The following DSCAM variants were observed in gnomAD, a reference collection of about 807,000 sequenced individuals.
DSCAM encodes the protein cell adhesion molecule DSCAM.
In DSCAM, 47 loss-of-function variants were observed where a neutral mutation model predicts 217.7. The observed-to-expected ratio is 0.22, with a 90% confidence interval of 0.17 to 0.28. The LOEUF is 0.28. DSCAM is among the 10% of genes least tolerant of loss of function. The pLI, the probability that DSCAM is intolerant of heterozygous loss-of-function variation, is 1.00. For missense variants in DSCAM, 2,080 were observed against 2,618.3 expected (o/e 0.79, Z 4.49); for synonymous variants, 1,056 against 1,015.3 (o/e 1.04, Z -0.76).
chr21:40,677,758 A>AC (rs1045505769), intron 3 of DSCAM, among the ~76,000 whole-genome samples: 3 of 151,942 alleles, frequency 2.0e-5, no homozygotes, highest in African/African-American at 7.2e-5. Context: ...CTAAAAAGAG[A>AC]CCCCAGAGAC....
rs760098848 is a variant in DSCAM, at chr21:40,376,589, T to TATATAGATATCGATATATCTTATATAG, written c.509-7345_509-7344insCTATATAAGATATATCGATATCTATAT. ...ATCTTATATCGATATCTATATATCTTATATCGATATCTATATATCTTATAT... is the reference window on the plus strand; with the variant it reads ...ATCTTATATCGATATCTATATATCTTATATAGATATCGATATATCTTATATAGATATCGATATCTATATATCTTATAT... On this transcript the variant is annotated intron_variant, in intron 3 of 32. Transcript: ENST00000400454. Among the ~76,000 whole-genome samples, 81 of 14,072 alleles carry TATATAGATATCGATATATCTTATATAG rather than the reference T, an allele frequency of 5.8e-3. 10 individuals carry two copies. The highest frequency in any genetic ancestry group is 0.015 in the African/African-American group (55 of 3,610). The allele number at this position is 14,072 out of a possible 152,430, so 9.2% of individuals were successfully genotyped here. A position where few individuals can be genotyped will look rare whatever the true frequency, so the allele number is the denominator to read the frequency against.
At chr21:40,352,565 G>A (rs1030885844) in intron 5 of DSCAM, among the ~76,000 whole-genome samples, 2 of 152,198 alleles carry the variant, frequency 1.3e-5, no homozygotes, top group African/African-American at 4.8e-5. Flanking sequence ...TCCATAAACA[G>A]GGTTAGGGCT....
chr21:40,618,366 G>A (rs1451252639), intron 3 of DSCAM: 1 of 152,190 alleles, frequency 6.6e-6, no homozygotes, highest in Non-Finnish European at 1.5e-5. Context: ...GGCAGGAGGG[G>A]TGCTTGTTGC....
intron 1 of DSCAM, among the ~76,000 whole-genome samples, chr21:40,784,019 T>C (rs2091570171): frequency 6.6e-6 from 1 of 150,452 alleles, no homozygotes; most frequent in South Asian, 2.1e-4. Flanking sequence ...TAAAACAAAT[T>C]TATAAAATAA....
chr21:40,529,388 ACC>A (rs550816365), intron 3 of DSCAM, among the ~76,000 whole-genome samples: 34 of 152,276 alleles, frequency 2.2e-4, no homozygotes, highest in Non-Finnish European at 4.3e-4. Context: ...AAATAGTTTT[ACC>A]TTTGCACAGG....
chr21:40,126,476 T>C lies in DSCAM; in HGVS notation c.3563-2148A>G, dbSNP rs2090095284. On this transcript the variant is annotated intron_variant, in intron 19 of 32. Transcript: ENST00000400454. ...TCGTTGGTAAATGGTCACATGCTCT[T>C]ACTTGAGACACCAGTTGAAAAATGC... is the stretch of plus-strand genomic sequence containing the variant. Among the ~76,000 whole-genome samples, 6 of 152,126 alleles carry C rather than the reference T, an allele frequency of 3.9e-5. No individual in the cohort carries two copies. In the South Asian group the frequency reaches 1.2e-3, roughly 32 times the overall value.
At chr21:40,353,070 T>C (rs2074650368) in intron 5 of DSCAM, among the ~76,000 whole-genome samples, 2 of 152,250 alleles carry the variant, frequency 1.3e-5, no homozygotes, top group Admixed American at 1.3e-4. Context: ...ACTGCTTTGA[T>C]TGGCTACCAT....
intron 9 of DSCAM, 121 bp downstream of exon 9, chr21:40,311,960 T>TTTTTTTTTTATAA: frequency 3.1e-6 from 1 of 321,030 alleles, no homozygotes; most frequent in Middle Eastern, 1.0e-3. Context: ...TTTTTTTTTT[T>TTTTTTTTTTATAA]AGTGAGATAA....
chr21:40,560,496 A>G lies in DSCAM; in HGVS notation c.508+132314T>C, dbSNP rs146289128. ...CATCCGTACTGAACCAGGTTTGCAC[A>G]TCGGTGTTTTCAGTCTACCCGTTGT... On this transcript the variant is annotated intron_variant, in intron 3 of 32. Transcript: ENST00000400454. 6.6e-3 allele frequency among the ~76,000 whole-genome samples: 1,003 copies of G among 152,348 alleles called. 2 individuals are homozygous for G. The highest frequency in any genetic ancestry group is 0.037 in the East Asian group (191 of 5,174).
At chr21:40,096,509 A>G (rs892955889) in intron 20 of DSCAM, among the ~76,000 whole-genome samples, 1 of 152,184 alleles carries the variant, frequency 6.6e-6, no homozygotes, top group Non-Finnish European at 1.5e-5. Flanking sequence ...AGAGAATAAA[A>G]AAGTTAACAG....
At chr21:40,094,963 G>A (rs890094561) in intron 20 of DSCAM, among the ~76,000 whole-genome samples, 4 of 152,264 alleles carry the variant, frequency 2.6e-5, no homozygotes. Context: ...AACATAATAT[G>A]TCACAGCGAT....
intron 3 of DSCAM, among the ~76,000 whole-genome samples, chr21:40,450,932 A>AC (rs2075714011): frequency 6.6e-6 from 1 of 152,228 alleles, no homozygotes; most frequent in Non-Finnish European, 1.5e-5. Context: ...TCTGCAGGTC[A>AC]CCTACCCTCC....
intron 1 of DSCAM, among the ~76,000 whole-genome samples, chr21:40,745,207 G>T (rs984308753): frequency 2.0e-5 from 3 of 152,060 alleles, no homozygotes; most frequent in Non-Finnish European, 2.9e-5. Context: ...TTCCCCAGGA[G>T]ATAAAAGAGA....
chr21:40,106,275 A>G (rs2089819469), intron 20 of DSCAM, among the ~76,000 whole-genome samples: 1 of 152,212 alleles, frequency 6.6e-6, no homozygotes, highest in African/African-American at 2.4e-5. Context: ...CCCATGACAC[A>G]TGGAGAAAAT....
chr21:40,724,052 C>G (rs779379978), intron 1 of DSCAM, among the ~76,000 whole-genome samples: 12 of 152,178 alleles, frequency 7.9e-5, no homozygotes, highest in Non-Finnish European at 1.8e-4. Flanking sequence ...AGATAAAAGT[C>G]TCTCCATCCC....
At chr21:40,340,399 T>C (rs7275252) in intron 6 of DSCAM, among the ~76,000 whole-genome samples, 75,070 of 152,078 alleles carry the variant, frequency 0.49, 19,886 homozygotes, top group South Asian at 0.64. Flanking sequence ...AATGCATGTT[T>C]CTTTTATATA....
chr21:40,237,306 C>T (rs559334059), intron 11 of DSCAM, among the ~76,000 whole-genome samples: 1 of 152,228 alleles, frequency 6.6e-6, no homozygotes, highest in East Asian at 1.9e-4. Context: ...TGGTGGTTTG[C>T]TGCACCCATC....
chr21:40,728,514 G>A (rs1157601393), intron 1 of DSCAM, among the ~76,000 whole-genome samples: 1 of 152,044 alleles, frequency 6.6e-6, no homozygotes, highest in Non-Finnish European at 1.5e-5. Context: ...CGTCTCCCGG[G>A]TTCAAGCAAA....
intron 1 of DSCAM, among the ~76,000 whole-genome samples, chr21:40,803,046 T>C (rs2091755896): frequency 6.6e-6 from 1 of 152,196 alleles, no homozygotes; most frequent in African/African-American, 2.4e-5. Flanking sequence ...GATGAAAATC[T>C]GTTATTCTCT....
Sources: gnomAD v4.1 joint callset for allele counts (sites outside exome capture counted in the v4.1 genomes callset) on GRCh38, gnomAD v4.1.1 for gene constraint, MANE v1.5 for transcripts, NCBI Gene and HGNC (gene_info 2026-07-23, HGNC 2026-07-21) for gene names.